The following ZFPM2 variants were observed in gnomAD, a reference collection of about 807,000 sequenced individuals.
ZFPM2 encodes the protein zinc finger protein, FOG family member 2.
A neutral mutation model predicts 98.6 loss-of-function variants in ZFPM2; 20 were observed. The ratio of observed to expected loss-of-function variants is 0.20; its 90% CI spans 0.14 to 0.29. The LOEUF (loss-of-function observed/expected upper bound fraction) is 0.29, where lower values mean the gene tolerates loss of function less well. Ranked by LOEUF, ZFPM2 falls within the 10% of genes least tolerant of loss-of-function variation. The pLI, the probability that ZFPM2 is intolerant of heterozygous loss-of-function variation, is 1.00. For synonymous variants in ZFPM2, 518 were observed against 502.7 expected, an observed-to-expected ratio of 1.03 and a Z score of -0.41; for missense variants, 1,310 against 1,388.6, an observed-to-expected ratio of 0.94 and a Z score of 0.90.
At chr8:105,782,761 T>G (rs1229713914) in intron 5 of ZFPM2, among the ~76,000 whole-genome samples, 1 of 152,182 alleles carries the variant, frequency 6.6e-6, no homozygotes, top group Admixed American at 6.5e-5. Flanking sequence ...ATATTTACAT[T>G]GCCATATGTC....
intron 3 of ZFPM2, among the ~76,000 whole-genome samples, chr8:105,507,626 G>C (rs1281770608): frequency 6.6e-6 from 1 of 152,220 alleles, no homozygotes; most frequent in Non-Finnish European, 1.5e-5. Flanking sequence ...GCACAATGAA[G>C]TAGCTTTTAT....
rs1157597156 is a variant in ZFPM2 at position 105,678,369 on chromosome 8, C to T, written c.532+44012C>T. 3 of 152,102 alleles carry T rather than the reference C, an allele frequency of 2.0e-5. No homozygotes were observed. The East Asian group carries it at 5.8e-4, about 29-fold the overall frequency. 9.4% of individuals were successfully genotyped at this position (152,102 alleles called of 1,614,324 possible). On this transcript the variant is annotated intron_variant, in intron 5 of 7. Coordinates refer to ENST00000407775, the MANE Select transcript of ZFPM2 (RefSeq NM_012082.4). ...TCTCTCCCTCTGCCTCATCAATTGC[C>T]CCTGTCAGTAATAGAGAATTAGTTT...
chr8:105,640,487 A>G (rs1816930196), intron 5 of ZFPM2, among the ~76,000 whole-genome samples: 1 of 152,014 alleles, frequency 6.6e-6, no homozygotes, highest in Non-Finnish European at 1.5e-5. Flanking sequence ...TGATTTTGCA[A>G]GGTTCTTATG....
At chr8:105,534,140 T>TCCC (rs1814385721) in intron 3 of ZFPM2, among the ~76,000 whole-genome samples, 2 of 64,034 alleles carry the variant, frequency 3.1e-5, no homozygotes, top group Non-Finnish European at 6.0e-5. Flanking sequence ...CCTTCCTTCC[T>TCCC]TTCTTCCTTC....
chr8:105,693,868 A>G (rs894837059), intron 5 of ZFPM2, among the ~76,000 whole-genome samples: 4 of 151,956 alleles, frequency 2.6e-5, no homozygotes, highest in Non-Finnish European at 5.9e-5. Flanking sequence ...TAAGATATCC[A>G]TTACTTCAAA....
chr8:105,587,522 A>C (rs73307965), intron 4 of ZFPM2, among the ~76,000 whole-genome samples: 1,828 of 152,258 alleles, frequency 0.012, 32 homozygotes, highest in African/African-American at 0.041. Flanking sequence ...CCAAAGGAAA[A>C]AATATGTAGT....
At chr8:105,476,769 C>T (rs1382929160) in intron 3 of ZFPM2, among the ~76,000 whole-genome samples, 5 of 148,740 alleles carry the variant, frequency 3.4e-5, no homozygotes, top group Non-Finnish European at 7.4e-5. Context: ...AAAATATCCT[C>T]TTTTAAAATT....
At chr8:105,557,113 G>A (rs1815013349) in intron 3 of ZFPM2, among the ~76,000 whole-genome samples, 1 of 152,024 alleles carries the variant, frequency 6.6e-6, no homozygotes, top group African/African-American at 2.4e-5. Context: ...TGGTGTCTAT[G>A]GTACTATATC....
rs1206030439 is a variant in ZFPM2 at position 105,712,512 on chromosome 8, C to T, written c.533-76206C>T. 5.4e-5 allele frequency among the ~76,000 whole-genome samples: 8 copies of T among 148,322 alleles called. No individual in the cohort carries two copies. In the East Asian group the frequency reaches 1.6e-3, roughly 29 times the overall value. On this transcript the variant is annotated intron_variant, in intron 5 of 7. Transcript: ENST00000407775. ...ATCAAATCTTACCAGCTTGTAAGAG[C>T]CAGTCATTAAATTTGGGGCGACTAC...
chr8:105,789,313 C>G (rs1027414971), intron 6 of ZFPM2, among the ~76,000 whole-genome samples: 46 of 152,094 alleles, frequency 3.0e-4, no homozygotes, highest in African/African-American at 1.1e-3. Flanking sequence ...TCAATTCCCA[C>G]CTATGAGTGA....
chr8:105,692,521 A>G (rs926439805), intron 5 of ZFPM2, among the ~76,000 whole-genome samples: 8 of 152,130 alleles, frequency 5.3e-5, no homozygotes, highest in South Asian at 2.1e-4. Flanking sequence ...TGGGATGTTC[A>G]TAAGTATGTA....
intron 6 of ZFPM2, among the ~76,000 whole-genome samples, chr8:105,792,268 C>G (rs1257310608): frequency 6.6e-6 from 1 of 152,020 alleles, no homozygotes; most frequent in Admixed American, 6.6e-5. Context: ...TGAATGTGTC[C>G]CAGAGATTCA....
At chr8:105,498,311 G>T (rs1813517484) in intron 3 of ZFPM2, among the ~76,000 whole-genome samples, 1 of 152,172 alleles carries the variant, frequency 6.6e-6, no homozygotes, top group Admixed American at 6.5e-5. Context: ...TTGTCATAAT[G>T]AAGTTGGTTA....
intron 4 of ZFPM2, among the ~76,000 whole-genome samples, chr8:105,629,406 A>C (rs1816717228): frequency 6.6e-6 from 1 of 152,246 alleles, no homozygotes; most frequent in South Asian, 2.1e-4. Flanking sequence ...GCTATTTCAC[A>C]CTTTTGAGCA....
chr8:105,457,186 G>T (rs992783850), intron 3 of ZFPM2, among the ~76,000 whole-genome samples: 1 of 152,030 alleles, frequency 6.6e-6, no homozygotes, highest in South Asian at 2.1e-4. Flanking sequence ...TTGTATTTTT[G>T]TTGTTGTTTT....
chr8:105,720,475 C>T (rs567776004), intron 5 of ZFPM2, among the ~76,000 whole-genome samples: 407 of 152,006 alleles, frequency 2.7e-3, no homozygotes, highest in African/African-American at 9.5e-3. Flanking sequence ...TAATTTACCA[C>T]TATTAATTAC....
chr8:105,459,811 T>A (rs760722821), intron 3 of ZFPM2, among the ~76,000 whole-genome samples: 1 of 152,132 alleles, frequency 6.6e-6, no homozygotes, highest in Non-Finnish European at 1.5e-5. Flanking sequence ...AGAGTCACAT[T>A]GGGTATTAGG....
intron 4 of ZFPM2, among the ~76,000 whole-genome samples, chr8:105,590,078 C>G (rs1028045932): frequency 6.6e-6 from 1 of 152,166 alleles, no homozygotes; most frequent in Non-Finnish European, 1.5e-5. Flanking sequence ...CTTCCCCTTT[C>G]TTTTTGAATT....
intron 3 of ZFPM2, among the ~76,000 whole-genome samples, chr8:105,540,562 A>G (rs1814554967): frequency 6.6e-6 from 1 of 152,126 alleles, no homozygotes; most frequent in Non-Finnish European, 1.5e-5. Flanking sequence ...AATGAAACAT[A>G]CTTTCTCTTA....
Sources: allele counts gnomAD v4.1 joint callset (sites outside exome capture counted in the v4.1 genomes callset), GRCh38; gene constraint gnomAD v4.1.1; transcripts MANE v1.5; gene names NCBI Gene and HGNC (gene_info 2026-07-23, HGNC 2026-07-21).